ANO10: variants seen among roughly 807,000 people sequenced by gnomAD.
ANO10 encodes anoctamin 10.
ANO10 carries 77 observed loss-of-function variants against 74.7 expected under a neutral mutation model. That is an observed-to-expected ratio of 1.03 (90% CI 0.86 to 1.25). ANO10 has a LOEUF of 1.25. ANO10 is among the 50% of genes most tolerant of loss of function. The probability of loss-of-function intolerance (pLI) is 0.00; values close to 1 mark genes in which losing one functional copy is unlikely to be tolerated. For missense variants in ANO10, 721 were observed against 778.1 expected (o/e 0.93, Z 0.87); for synonymous variants, 279 against 284.9 (o/e 0.98, Z 0.21).
chr3:43,473,842 G>A, intron 11 of ANO10, among the ~76,000 whole-genome samples: 1 of 152,146 alleles, frequency 6.6e-6, no homozygotes, highest in East Asian at 1.9e-4. Context: ...TTGTGGGGAA[G>A]GCTATACAAA....
At chr3:43,554,854 C>A (rs546913491) in intron 10 of ANO10, among the ~76,000 whole-genome samples, 2 of 152,184 alleles carry the variant, frequency 1.3e-5, no homozygotes, top group South Asian at 4.2e-4. Context: ...CCTCTGAGAC[C>A]ACCCCAGGAC....
chr3:43,388,751 C>T (rs2092196930), intron 12 of ANO10, among the ~76,000 whole-genome samples: 1 of 152,152 alleles, frequency 6.6e-6, no homozygotes, highest in South Asian at 2.1e-4. Context: ...AGGATAAAGG[C>T]TAGAACCTAA....
At chr3:43,501,026 G>A (rs1449777362) in intron 11 of ANO10, among the ~76,000 whole-genome samples, 1 of 152,212 alleles carries the variant, frequency 6.6e-6, no homozygotes, top group African/African-American at 2.4e-5. Context: ...TTCTGAAACA[G>A]AAGATGCCAT....
At chr3:43,432,973 T>A (rs2093011093) in intron 11 of ANO10, among the ~76,000 whole-genome samples, 1 of 134,802 alleles carries the variant, frequency 7.4e-6, no homozygotes, top group African/African-American at 3.0e-5. Context: ...TTTTTTTTTT[T>A]TGAGACCGAG....
intron 11 of ANO10, among the ~76,000 whole-genome samples, chr3:43,538,317 AG>A (rs2078806818): frequency 6.6e-6 from 1 of 152,198 alleles, no homozygotes; most frequent in South Asian, 2.1e-4. Flanking sequence ...ATTTTAACTG[AG>A]GAAAAAAAAT....
At chr3:43,676,352 A>G (rs1051209180) in intron 1 of ANO10, among the ~76,000 whole-genome samples, 1 of 152,068 alleles carries the variant, frequency 6.6e-6, no homozygotes, top group Non-Finnish European at 1.5e-5. Flanking sequence ...TCCCAGGTAC[A>G]CAGAGGTTGA....
At chr3:43,441,788 A>T in intron 11 of ANO10, among the ~76,000 whole-genome samples, 1 of 152,306 alleles carries the variant, frequency 6.6e-6, no homozygotes, top group East Asian at 1.9e-4. Context: ...TCAACAACAC[A>T]TTAAAAAAAT....
At chr3:43,424,159 T>C (rs1255382968) in intron 12 of ANO10, among the ~76,000 whole-genome samples, 1 of 152,090 alleles carries the variant, frequency 6.6e-6, no homozygotes, top group East Asian at 1.9e-4. Context: ...TACAGGAAGG[T>C]CAAGTCACTT....
At chr3:43,579,017 T>C (rs2081145536) in intron 5 of ANO10, among the ~76,000 whole-genome samples, 1 of 152,018 alleles carries the variant, frequency 6.6e-6, no homozygotes, top group African/African-American at 2.4e-5. Flanking sequence ...ATAATAGTTG[T>C]TTTCAGAAAT....
chr3:43,381,672 G>A (rs2091962515), intron 12 of ANO10, among the ~76,000 whole-genome samples: 1 of 152,128 alleles, frequency 6.6e-6, no homozygotes, highest in Non-Finnish European at 1.5e-5. Context: ...AAGACAGAAA[G>A]TCAACAAAGA....
intron 12 of ANO10, among the ~76,000 whole-genome samples, chr3:43,400,133 C>T (rs904656845): frequency 1.3e-5 from 2 of 152,040 alleles, no homozygotes; most frequent in African/African-American, 4.8e-5. Flanking sequence ...TGGCTGATGG[C>T]ACTCTTTTAT....
At chr3:43,443,039 C>G (rs1025041778) in intron 11 of ANO10, among the ~76,000 whole-genome samples, 2 of 152,122 alleles carry the variant, frequency 1.3e-5, no homozygotes, top group African/African-American at 4.8e-5. Flanking sequence ...GTCTTCAGGC[C>G]CTATGCCCTG....
In ANO10 at chr3:43,612,140, T is replaced by A. The variant is rs866443356; in HGVS notation, c.-11-6277A>T. On this transcript the variant is annotated intron_variant, in intron 1 of 12. Transcript: ENST00000292246. Reference sequence around the variant, plus strand: ...AGTGGAATAAAGAAAATTAAATATTTTATATATATATATATATATATATAT... The same window carrying A: ...AGTGGAATAAAGAAAATTAAATATTATATATATATATATATATATATATAT... 6.5e-4 allele frequency among the ~76,000 whole-genome samples: 42 copies of A among 64,552 alleles called. 1 individual carries two copies. Among genetic ancestry groups the A allele is most frequent in the African/African-American group, 1.6e-3 (34 of 20,624 alleles). The allele number at this position is 64,552 out of a possible 152,430, so 42.3% of individuals were successfully genotyped here. A position where few individuals can be genotyped will look rare whatever the true frequency, so the allele number is the denominator to read the frequency against.
chr3:43,368,045 G>T (rs2091472069), intron 12 of ANO10, among the ~76,000 whole-genome samples: 3 of 152,052 alleles, frequency 2.0e-5, no homozygotes, highest in Admixed American at 6.5e-5. Context: ...CCCTCCTAAG[G>T]ATCCTTTAGA....
At chr3:43,671,927 TTA>T (rs2084063894) in intron 1 of ANO10, among the ~76,000 whole-genome samples, 3 of 152,176 alleles carry the variant, frequency 2.0e-5, no homozygotes, top group Non-Finnish European at 1.5e-5. Context: ...AATTTAGCTA[TTA>T]CATACATTCA....
intron 1 of ANO10, among the ~76,000 whole-genome samples, chr3:43,662,140 G>T (rs1348024836): frequency 1.3e-5 from 2 of 152,126 alleles, no homozygotes; most frequent in Non-Finnish European, 2.9e-5. Flanking sequence ...TTCTAAAAGT[G>T]ACCACATAAT....
At chr3:43,384,412 G>T (rs2092058101) in intron 12 of ANO10, among the ~76,000 whole-genome samples, 1 of 151,938 alleles carries the variant, frequency 6.6e-6, no homozygotes, top group Non-Finnish European at 1.5e-5. Context: ...ATTCTTCACA[G>T]AACTACAAAA....
At chr3:43,449,378 GTAAT>G (rs1275507134) in intron 11 of ANO10, among the ~76,000 whole-genome samples, 1 of 151,956 alleles carries the variant, frequency 6.6e-6, no homozygotes, top group Non-Finnish European at 1.5e-5. Context: ...AATTTAAAAA[GTAAT>G]TAATTACTAA....
At chr3:43,604,406 C>T (rs2082468346) in intron 2 of ANO10, among the ~76,000 whole-genome samples, 1 of 152,096 alleles carries the variant, frequency 6.6e-6, no homozygotes, top group African/African-American at 2.4e-5. Flanking sequence ...CAACTTCCTT[C>T]CCTGTCAGCT....
Sources: allele counts gnomAD v4.1 joint callset (sites outside exome capture counted in the v4.1 genomes callset), GRCh38; gene constraint gnomAD v4.1.1; transcripts MANE v1.5; gene names NCBI Gene and HGNC (gene_info 2026-07-23, HGNC 2026-07-21).